Variants in EHMT1 observed in about 807,000 individuals in gnomAD.
The protein encoded by EHMT1 is euchromatic histone lysine methyltransferase 1, also known as histone-lysine N-methyltransferase EHMT1.
A neutral mutation model predicts 147.2 loss-of-function variants in EHMT1; 15 were observed. The observed-to-expected ratio is 0.10, with a 90% CI of 0.07 to 0.16. The LOEUF is 0.16. Among genes scored for constraint, EHMT1 ranks in the 10% least tolerant of loss-of-function variants. The probability of loss-of-function intolerance (pLI) is 1.00; values close to 1 mark genes in which losing one functional copy is unlikely to be tolerated. For synonymous variants in EHMT1, 795 were observed against 709.6 expected (o/e 1.12, Z -1.91); for missense variants, 1,587 against 1,772.4 (o/e 0.90, Z 1.88).
chr9:137,757,220 A>T (rs1413222833), intron 8 of EHMT1, among the ~76,000 whole-genome samples: 1 of 152,248 alleles, frequency 6.6e-6, no homozygotes, highest in East Asian at 1.9e-4. Flanking sequence ...GGAAGCCCAC[A>T]GAAGTGTTTG....
At chr9:137,814,302 T>A in intron 21 of EHMT1, 129 bp from the exon 22 acceptor site, 1 of 965,260 alleles carries the variant, frequency 1.0e-6, no homozygotes, top group Non-Finnish European at 1.6e-6. Context: ...GGCCACACAC[T>A]CACGTGGTGC....
chr9:137,676,750 TG>T (rs1564573345), intron 1 of EHMT1, among the ~76,000 whole-genome samples: 1 of 152,094 alleles, frequency 6.6e-6, no homozygotes, highest in Non-Finnish European at 1.5e-5. Flanking sequence ...ACATGCGCAC[TG>T]GGGGAAGTGG....
At chr9:137,834,556 G>T (rs1215840502) in intron 26 of EHMT1, 32 bp downstream of exon 26, 2 of 1,607,448 alleles carry the variant, frequency 1.2e-6, no homozygotes, top group Non-Finnish European at 1.7e-6. Context: ...GGCCATCTCC[G>T]CTGCCGGCGG....
chr9:137,647,297 C>G (rs1476720211), intron 1 of EHMT1, among the ~76,000 whole-genome samples: 1 of 152,156 alleles, frequency 6.6e-6, no homozygotes, highest in Non-Finnish European at 1.5e-5. Context: ...CAGGTTGACT[C>G]CATGTTGACT....
intron 1 of EHMT1, among the ~76,000 whole-genome samples, chr9:137,677,074 C>A (rs1303510492): frequency 1.3e-5 from 2 of 152,098 alleles, no homozygotes; most frequent in Non-Finnish European, 2.9e-5. Context: ...AGCGATCTTC[C>A]CACCTCGATC....
chr9:137,766,867 C>T (rs1333933719), intron 10 of EHMT1, among the ~76,000 whole-genome samples: 2 of 152,074 alleles, frequency 1.3e-5, no homozygotes, highest in African/African-American at 4.8e-5. Flanking sequence ...CACTTGGACC[C>T]CCAGGCTGGA....
intron 21 of EHMT1, among the ~76,000 whole-genome samples, chr9:137,814,061 C>G (rs1429511946): frequency 1.1e-4 from 10 of 92,994 alleles, no homozygotes; most frequent in Admixed American, 9.5e-5. Flanking sequence ...CCCAGGCCCC[C>G]CCCCCCCCCC....
Position 137,818,157 on chromosome 9 carries a change from T to G in EHMT1, c.3540+19T>G. On this transcript the variant is annotated intron_variant, in intron 25 of 26. Coordinates refer to ENST00000460843, the MANE Select transcript of EHMT1 (RefSeq NM_024757.5). ...CAATAAGGTAATGTGTTTTGTGGGG[T>G]TGGGGCCACGCAGAACTTGTGAACT... 1 of 1,613,686 alleles carries G rather than the reference T, an allele frequency of 6.2e-7. No individual in the cohort carries two copies. Among genetic ancestry groups the G allele is most frequent in the South Asian group, 1.1e-5 (1 of 91,066 alleles).
In EHMT1 at chr9:137,779,545, G is replaced by T. The variant is rs1951220682; in HGVS notation, c.2193-90G>T. 11 of 1,388,428 alleles carry T rather than the reference G, an allele frequency of 7.9e-6. No individual in the cohort carries two copies. The Admixed American group carries it at 1.8e-4, about 22-fold the overall frequency. The allele number at this position is 1,388,428 out of a possible 1,614,324, so 86.0% of individuals were successfully genotyped here. ...GGAGCCCCATGAGCTTGAGGGGCTGGTGGGGAGATGTCCGCCGGGCCTTCC... is the reference window on the plus strand; with the variant it reads ...GGAGCCCCATGAGCTTGAGGGGCTGTTGGGGAGATGTCCGCCGGGCCTTCC... On this transcript the variant is annotated intron_variant, in intron 13 of 26. Transcript: ENST00000460843.
At chr9:137,656,327 C>A (rs1223212621) in intron 1 of EHMT1, among the ~76,000 whole-genome samples, 1 of 152,160 alleles carries the variant, frequency 6.6e-6, no homozygotes, top group Non-Finnish European at 1.5e-5. Flanking sequence ...TTGCAGTGAG[C>A]TGAGTTGGCA....
intron 1 of EHMT1, among the ~76,000 whole-genome samples, chr9:137,702,780 C>T (rs561476014): frequency 8.5e-5 from 13 of 152,372 alleles, no homozygotes; most frequent in Non-Finnish European, 1.6e-4. Flanking sequence ...AGTAGAGGCT[C>T]TCCGTGGGGG....
intron 1 of EHMT1, among the ~76,000 whole-genome samples, chr9:137,624,297 T>A (rs1169478906): frequency 6.6e-6 from 1 of 150,528 alleles, no homozygotes; most frequent in Non-Finnish European, 1.5e-5. Context: ...TTAGGCACTA[T>A]GCCCGGCCTC....
At position 137,834,867 on chromosome 9, in the gene EHMT1, G is replaced by A; in HGVS notation, c.3811G>A (p.Ala1271Thr). Residue 1271 changes from alanine (A) to threonine (T), a missense_variant, in exon 27 of 27, where the codon GCC becomes ACC. Transcript: ENST00000460843. ...GTGCCGGCACTCGAGCGCGGCCCTG[G>A]CCCAGCGTCAGGCCAGCGCGGCCCA... ...PKCRHSSAAL[A>T]QRQASAAQEA... 1 of 1,611,236 alleles carries A rather than the reference G, an allele frequency of 6.2e-7. No individual in the cohort carries two copies. The highest frequency in any genetic ancestry group is 8.5e-7 in the Non-Finnish European group (1 of 1,179,344).
chr9:137,762,460 G>A (rs1376400361), intron 9 of EHMT1, among the ~76,000 whole-genome samples: 3 of 152,162 alleles, frequency 2.0e-5, no homozygotes, highest in African/African-American at 7.2e-5. Context: ...ACCCTGTCAG[G>A]GGGTTTGTTA....
At chr9:137,780,708 G>C (rs538659309) in intron 14 of EHMT1, among the ~76,000 whole-genome samples, 1 of 99,664 alleles carries the variant, frequency 1.0e-5, no homozygotes, top group East Asian at 2.8e-4. Context: ...CGAGACGTGT[G>C]GTGATGACGC....
chr9:137,781,380 T>C (rs867616896), intron 14 of EHMT1, among the ~76,000 whole-genome samples: 18 of 134,134 alleles, frequency 1.3e-4, no homozygotes, highest in East Asian at 1.3e-3. Context: ...GACGCTGGGA[T>C]GTGTGGTGAT....
rs1588436716 is a variant in EHMT1, at chr9:137,734,264, C to G, written c.823+5735C>G. 1.3e-5 allele frequency among the ~76,000 whole-genome samples: 2 copies of G among 152,124 alleles called. 1 individual carries two copies. ...GAGAGTCAAGAAAATGATGTATGATCAAAATGGAAATACCAATAAAGAGCT... is the reference window on the plus strand; with the variant it reads ...GAGAGTCAAGAAAATGATGTATGATGAAAATGGAAATACCAATAAAGAGCT... On this transcript the variant is annotated intron_variant, in intron 4 of 26. Transcript: ENST00000460843.
chr9:137,625,266 TTATC>T (rs1188693591), intron 1 of EHMT1, among the ~76,000 whole-genome samples: 8 of 152,200 alleles, frequency 5.3e-5, no homozygotes, highest in African/African-American at 1.9e-4. Flanking sequence ...TTCCTAATAT[TTATC>T]ATGCGTTTAG....
In EHMT1 at chr9:137,632,907, A is replaced by G. The variant is rs550637083; in HGVS notation, c.21+13858A>G. The stretch of plus-strand genomic sequence containing the variant: ...CAATAAGGGCAGTAGGAGGGTTTCA[A>G]GGCAGGGAGTGACCTCATCAGGTTT... On this transcript the variant is annotated intron_variant, in intron 1 of 26. Coordinates refer to ENST00000460843, the MANE Select transcript of EHMT1 (RefSeq NM_024757.5). Among the ~76,000 whole-genome samples the G allele has an allele frequency of 1.4e-4, 21 of 152,324 alleles. No homozygotes were observed. The East Asian group carries it at 3.7e-3, about 27-fold the overall frequency.
Sources: allele counts gnomAD v4.1 joint callset (sites outside exome capture counted in the v4.1 genomes callset), GRCh38; gene constraint gnomAD v4.1.1; transcripts MANE v1.5; gene names NCBI Gene and HGNC (gene_info 2026-07-23, HGNC 2026-07-21).